LITAF: variants seen among roughly 807,000 people sequenced by gnomAD.
LITAF encodes the protein lipopolysaccharide-induced tumor necrosis factor-alpha factor.
LITAF carries 9 observed loss-of-function variants against 14.5 expected under a neutral mutation model. That is an observed-to-expected ratio of 0.62 (90% CI 0.37 to 1.08). LITAF has a LOEUF of 1.08. Ranked by LOEUF, LITAF falls within the 50% of genes least tolerant of loss-of-function variation. LITAF has a pLI of 0.01. For synonymous variants in LITAF, 98 were observed against 88.2 expected (o/e 1.11, Z -0.62); for missense variants, 206 against 213.4 (o/e 0.97, Z 0.22).
intron 1 of LITAF, among the ~76,000 whole-genome samples, chr16:11,569,358 A>C (rs1406105814): frequency 6.6e-6 from 1 of 152,130 alleles, no homozygotes; most frequent in South Asian, 2.1e-4. Context: ...CTCCCACCTC[A>C]GCCTCCCAAG....
chr16:11,619,948 A>C (rs368368474), intron 3 of LITAF, among the ~76,000 whole-genome samples: 7 of 152,080 alleles, frequency 4.6e-5, no homozygotes, highest in African/African-American at 1.7e-4. Context: ...GCAGTGGATC[A>C]CCTGAGGTCA....
intron 3 of LITAF, among the ~76,000 whole-genome samples, chr16:11,606,282 C>G (rs555232023): frequency 7.2e-5 from 11 of 152,052 alleles, no homozygotes; most frequent in South Asian, 4.1e-4. Context: ...CATCTGCCCA[C>G]CTCAGCCTCC....
At chr16:11,556,479 A>C in intron 2 of LITAF, 32 bp downstream of exon 2, 1 of 1,578,474 alleles carries the variant, frequency 6.3e-7, no homozygotes, top group South Asian at 1.1e-5. Context: ...GGGCCAAGGA[A>C]TGGTAAGGGG....
chr16:11,553,063 C>T lies in LITAF; in HGVS notation c.377+470G>A, dbSNP rs752796692. 6.6e-5 allele frequency among the ~76,000 whole-genome samples: 10 copies of T among 152,010 alleles called. No individual in the cohort carries two copies. Among genetic ancestry groups the T allele is most frequent in the South Asian group, 2.1e-4 (1 of 4,814 alleles). Reference sequence around the variant, plus strand: ...CTGGGAGGCGGAGGTTGCAGTGAGCCGGGATCGTGCTACTGCACTCCAGCC... The same window carrying T: ...CTGGGAGGCGGAGGTTGCAGTGAGCTGGGATCGTGCTACTGCACTCCAGCC... On this transcript the variant is annotated intron_variant, in intron 3 of 3. Coordinates refer to ENST00000622633, the MANE Select transcript of LITAF (RefSeq NM_001136472.2). The surrounding 1 kb of genome is among the most constrained non-coding windows in gnomAD (Gnocchi z 7.7).
chr16:11,603,179 G>T (rs2064937483), upstream of LITAF, among the ~76,000 whole-genome samples: 2 of 152,300 alleles, frequency 1.3e-5, no homozygotes, highest in South Asian at 4.1e-4. Flanking sequence ...AGGAGGAGGG[G>T]GTTGCAGGCA....
At chr16:11,588,739 A>G (rs950205619), upstream of LITAF, among the ~76,000 whole-genome samples, 1 of 152,160 alleles carries the variant, frequency 6.6e-6, no homozygotes, top group African/African-American at 2.4e-5. Flanking sequence ...GACCATTGCT[A>G]GGGAGACATA....
chr16:11,597,017 CAAG>C lies in LITAF; in HGVS notation c.-6+1368_-6+1370del, dbSNP rs531247551. On this transcript the variant is annotated intron_variant, in intron 1 of 3. Transcript: ENST00000571627. Reference sequence around the variant, plus strand: ...AAGTAACATGCCTCGAATCACAGAGCAAGAAGGTGACTACAGGTAAAATTTGCA... The same window carrying C: ...AAGTAACATGCCTCGAATCACAGAGCAAGGTGACTACAGGTAAAATTTGCA... Among the ~76,000 whole-genome samples, 13 of 152,240 alleles carry C rather than the reference CAAG, an allele frequency of 8.5e-5. No individual in the cohort carries two copies. The South Asian group carries it at 2.7e-3, about 32-fold the overall frequency.
At chr16:11,557,823 C>A (rs2064298093) in intron 1 of LITAF, among the ~76,000 whole-genome samples, 1 of 152,190 alleles carries the variant, frequency 6.6e-6, no homozygotes, top group South Asian at 2.1e-4. Context: ...AGCACCAGAG[C>A]AGCCAGGCAC....
chr16:11,600,183 T>C (rs1030025194), upstream of LITAF, among the ~76,000 whole-genome samples: 2 of 152,114 alleles, frequency 1.3e-5, no homozygotes, highest in African/African-American at 4.8e-5. The surrounding 1 kb of genome is among the most constrained non-coding windows in gnomAD (Gnocchi z 4.1). Flanking sequence ...TTTTTTATTT[T>C]TGTAGAGATG....
In LITAF at chr16:11,605,630, G is replaced by C. The variant is rs911617767; in HGVS notation, c.85+27903C>G. Among the ~76,000 whole-genome samples, 6 of 152,176 alleles carry C rather than the reference G, an allele frequency of 3.9e-5. No homozygotes were observed. Among genetic ancestry groups the C allele is most frequent in the African/African-American group, 1.4e-4 (6 of 41,446 alleles). On this transcript the variant is annotated intron_variant, in intron 3 of 3. Transcript: ENST00000574848. The surrounding 1 kb of genome is among the most constrained non-coding windows in gnomAD (Gnocchi z 4.7). ...GGAGTGAGAAGAGGGGAGGAAGCAA[G>C]AAAAAGTAAAGCAGCAGCCAGCCGG...
At chr16:11,570,314 G>A (rs754920605) in intron 1 of LITAF, among the ~76,000 whole-genome samples, 4 of 152,168 alleles carry the variant, frequency 2.6e-5, no homozygotes, top group Non-Finnish European at 5.9e-5. Context: ...TGTCATTACA[G>A]AGGAGAGTAA....
intron 1 of LITAF, among the ~76,000 whole-genome samples, chr16:11,596,775 GA>G (rs1424837150): frequency 1.7e-5 from 2 of 116,476 alleles, no homozygotes; most frequent in Non-Finnish European, 3.6e-5. Context: ...GGAGGAGGGG[GA>G]GGGGGACAGG....
chr16:11,573,205 C>G (rs562124028), intron 1 of LITAF, among the ~76,000 whole-genome samples: 1 of 152,246 alleles, frequency 6.6e-6, no homozygotes, highest in South Asian at 2.1e-4. Context: ...CCAGGGGTTA[C>G]AGGAGTGAGC....
At chr16:11,568,961 T>C (rs1307690365) in intron 1 of LITAF, among the ~76,000 whole-genome samples, 1 of 151,820 alleles carries the variant, frequency 6.6e-6, no homozygotes, top group Non-Finnish European at 1.5e-5. Flanking sequence ...ATTACAGGCA[T>C]GAGCCACTGT....
At chr16:11,560,348 T>C (rs1433349066) in intron 1 of LITAF, among the ~76,000 whole-genome samples, 1 of 149,764 alleles carries the variant, frequency 6.7e-6, no homozygotes, top group Non-Finnish European at 1.5e-5. Flanking sequence ...CGGTGGCTCA[T>C]GCCTGTAATC....
At chr16:11,557,575 A>T (rs1342065418) in intron 1 of LITAF, among the ~76,000 whole-genome samples, 1 of 152,054 alleles carries the variant, frequency 6.6e-6, no homozygotes, top group East Asian at 1.9e-4. Context: ...TCAGCCTCCC[A>T]GGTAGCTGGG....
At chr16:11,600,534 G>C (rs2064920485), upstream of LITAF, among the ~76,000 whole-genome samples, 1 of 152,220 alleles carries the variant, frequency 6.6e-6, no homozygotes, top group South Asian at 2.1e-4. This position sits in a 1 kb window ranked among gnomAD's most constrained non-coding sequence, Gnocchi z 4.1. Context: ...TCTCGGACTG[G>C]ATTGGGAGCT....
Position 11,608,980 on chromosome 16 carries a change from C to CAAA in LITAF, c.85+24550_85+24552dup, listed in dbSNP as rs3048072. ...ACACAAAAAAAACAAAACAAACAAA[C>CAAA]AAAAAAAAACGCACCGAGTATACAG... On this transcript the variant is annotated intron_variant, in intron 3 of 3. Coordinates refer to the LITAF transcript ENST00000574848. 1.7e-4 allele frequency among the ~76,000 whole-genome samples: 26 copies of CAAA among 149,760 alleles called. 1 individual carries two copies. The highest frequency in any genetic ancestry group is 8.4e-4 in the South Asian group (4 of 4,764).
chr16:11,567,777 G>A (rs1269999867), intron 1 of LITAF, among the ~76,000 whole-genome samples: 1 of 152,122 alleles, frequency 6.6e-6, no homozygotes, highest in African/African-American at 2.4e-5. Context: ...TGGAGGTCAG[G>A]AGTTCAAGAC....
Sources: allele counts gnomAD v4.1 joint callset (sites outside exome capture counted in the v4.1 genomes callset), GRCh38; gene constraint gnomAD v4.1.1; non-coding constraint Gnocchi (gnomAD v3.1); transcripts MANE v1.5; gene names NCBI Gene and HGNC (gene_info 2026-07-23, HGNC 2026-07-21).